Variants in TOM1L2 observed in about 807,000 individuals in gnomAD.
The protein encoded by TOM1L2 is TOM1-like protein 2.
A neutral mutation model predicts 67.9 loss-of-function variants in TOM1L2; 31 were observed. The ratio of observed to expected loss-of-function variants is 0.46; its 90% CI spans 0.34 to 0.62. The LOEUF is 0.62. Among genes scored for constraint, TOM1L2 ranks in the 20% least tolerant of loss-of-function variants. TOM1L2 has a pLI of 0.01. For synonymous variants in TOM1L2, 256 were observed against 254.0 expected (o/e 1.01, Z -0.07); for missense variants, 606 against 663.5 (o/e 0.91, Z 0.95).
At chr17:17,866,598 G>A (rs956422349) in intron 9 of TOM1L2, among the ~76,000 whole-genome samples, 179 bp from the exon 10 acceptor site, 9 of 152,182 alleles carry the variant, frequency 5.9e-5, no homozygotes, top group Non-Finnish European at 1.2e-4. Flanking sequence ...GGATGTCAGT[G>A]AGCCCTGCTC....
At chr17:17,924,640 T>G (rs554570794) in intron 1 of TOM1L2, among the ~76,000 whole-genome samples, 2 of 152,104 alleles carry the variant, frequency 1.3e-5, no homozygotes, top group Non-Finnish European at 2.9e-5. Context: ...GGTACATGCC[T>G]GTAGTCCCCA....
chr17:17,911,513 G>A (rs35985348), intron 1 of TOM1L2, among the ~76,000 whole-genome samples: 4,782 of 152,206 alleles, frequency 0.031, 127 homozygotes, highest in Non-Finnish European at 0.05. Flanking sequence ...GACGATTTAG[G>A]TGACAAAATA....
chr17:17,941,855 T>C (rs2040747830), intron 1 of TOM1L2, among the ~76,000 whole-genome samples: 1 of 152,180 alleles, frequency 6.6e-6, no homozygotes, highest in Non-Finnish European at 1.5e-5. Context: ...CCAGGCGCAG[T>C]GGCATGCACC....
At chr17:17,861,451 C>G in intron 12 of TOM1L2, 25 bp downstream of exon 12, 1 of 1,609,618 alleles carries the variant, frequency 6.2e-7, no homozygotes, top group Non-Finnish European at 8.5e-7. Flanking sequence ...AGACTCCAGG[C>G]AGAAAAACAG....
At chr17:17,862,534 T>TG (rs1393063759) in intron 11 of TOM1L2, 197 bp downstream of exon 11, 16 of 569,696 alleles carry the variant, frequency 2.8e-5, no homozygotes, top group Middle Eastern at 4.8e-4. Flanking sequence ...TGTGTGTGTT[T>TG]GGGGGGGTGG....
At chr17:17,925,262 T>G (rs911104222) in intron 1 of TOM1L2, among the ~76,000 whole-genome samples, 3 of 152,044 alleles carry the variant, frequency 2.0e-5, no homozygotes, top group African/African-American at 7.3e-5. Flanking sequence ...AAGTAATAAT[T>G]CTTAAAACCA....
intron 12 of TOM1L2, among the ~76,000 whole-genome samples, chr17:17,853,120 G>T (rs2036079140): frequency 6.6e-6 from 1 of 152,188 alleles, no homozygotes; most frequent in South Asian, 2.1e-4. Context: ...CCTGGAACAG[G>T]ACACACCAGT....
chr17:17,847,502 G>A lies in TOM1L2; in HGVS notation c.*133C>T. On this transcript the variant is annotated 3_prime_UTR_variant, in exon 15 of 15. Coordinates refer to ENST00000379504, the MANE Select transcript of TOM1L2 (RefSeq NM_001082968.2). ...CTGACTAGTGGGAGGCCTGGGAGCA[G>A]ACACGGTGGCATTTCCATGGAAACA... The A allele has an allele frequency of 5.6e-6, 7 of 1,239,096 alleles. No individual in the cohort carries two copies. Among genetic ancestry groups the A allele is most frequent in the Non-Finnish European group, 7.7e-6 (7 of 909,486 alleles). 76.8% of individuals were successfully genotyped at this position (1,239,096 alleles called of 1,614,324 possible). A position where few individuals can be genotyped will look rare whatever the true frequency, so the allele number is the denominator to read the frequency against.
intron 1 of TOM1L2, among the ~76,000 whole-genome samples, chr17:17,958,835 C>G (rs567246658): frequency 6.6e-6 from 1 of 152,160 alleles, no homozygotes; most frequent in Non-Finnish European, 1.5e-5. Flanking sequence ...AACTTTTAGC[C>G]GTACCCTCAT....
intron 11 of TOM1L2, 42 bp from the exon 12 acceptor site, chr17:17,861,593 C>T (rs1477115258): frequency 1.3e-6 from 2 of 1,586,630 alleles, no homozygotes; most frequent in South Asian, 1.1e-5. Context: ...CATTTTCCTC[C>T]AGTGGTCATG....
intron 10 of TOM1L2, among the ~76,000 whole-genome samples, chr17:17,865,742 CTTT>C (rs35408977): frequency 2.9e-5 from 3 of 103,526 alleles, no homozygotes; most frequent in Non-Finnish European, 4.1e-5. Flanking sequence ...GGTGACCTTT[CTTT>C]TTTTTTTTTT....
At position 17,845,678 on chromosome 17, in the gene TOM1L2, TG is replaced by T. The variant is rs2035608274; in HGVS notation, c.*1956del. The T allele has an allele frequency of 6.6e-6, 1 of 152,240 alleles. No homozygotes were observed. The highest frequency in any genetic ancestry group is 6.5e-5 in the Admixed American group (1 of 15,286). The allele number at this position is 152,240 out of a possible 1,614,324, so 9.4% of individuals were successfully genotyped here. ...CACAACCCAAAGGCAGCCAAAGGGC[TG>T]GGGCCTCTGGGTGCACCTGGGCCAT... On this transcript the variant is annotated 3_prime_UTR_variant, in exon 15 of 15. Coordinates refer to ENST00000379504, the MANE Select transcript of TOM1L2 (RefSeq NM_001082968.2).
At chr17:17,945,298 T>A (rs545756416) in intron 1 of TOM1L2, among the ~76,000 whole-genome samples, 11 of 151,960 alleles carry the variant, frequency 7.2e-5, no homozygotes, top group African/African-American at 2.7e-4. Flanking sequence ...ACACTCTCTC[T>A]CTCTCTCTCT....
intron 1 of TOM1L2, among the ~76,000 whole-genome samples, chr17:17,918,904 A>T (rs2039740274): frequency 6.6e-6 from 1 of 152,208 alleles, no homozygotes; most frequent in Non-Finnish European, 1.5e-5. Context: ...CTTTATGCTG[A>T]TGAGGGCCCT....
intron 2 of TOM1L2, among the ~76,000 whole-genome samples, chr17:17,900,594 A>G (rs2038807584): frequency 6.6e-6 from 1 of 152,158 alleles, no homozygotes; most frequent in African/African-American, 2.4e-5. Context: ...GAAAATTTTA[A>G]AACACCCTGA....
chr17:17,850,719 A>C (rs1364164683), intron 13 of TOM1L2, among the ~76,000 whole-genome samples, 174 bp downstream of exon 13: 2 of 152,106 alleles, frequency 1.3e-5, no homozygotes, highest in Non-Finnish European at 2.9e-5. Flanking sequence ...TGCAGCACCC[A>C]CAGCTATGGG....
At position 17,847,666 on chromosome 17, in the gene TOM1L2, T is replaced by C. The variant is rs1022295863; in HGVS notation, c.1493A>G (p.Glu498Gly). The change falls in exon 15 of 15, where the codon GAG (glutamate) becomes GGG (glycine). Residue 498 changes from glutamate (E) to glycine (G), a missense_variant. Around this residue, in one of 2 missense-constraint regions of TOM1L2, gnomAD observed 543 missense variants for 554.0 expected, o/e 0.98. Coordinates refer to ENST00000379504, the MANE Select transcript of TOM1L2 (RefSeq NM_001082968.2). ...GGCGAAGAGGGCATCCTCTGACCGC[T>C]CTGGCTTCTTCCGGCCAGAAGGGTT... Reference protein sequence around the residue: ...ASNPSGRKKPERSEDALFAL With the variant: ...ASNPSGRKKPGRSEDALFAL 2.5e-6 allele frequency: 4 copies of C among 1,613,786 alleles called. No individual in the cohort carries two copies. Among genetic ancestry groups the C allele is most frequent in the Non-Finnish European group, 3.4e-6 (4 of 1,179,860 alleles).
At chr17:17,939,386 A>C (rs2040638335) in intron 1 of TOM1L2, among the ~76,000 whole-genome samples, 1 of 152,250 alleles carries the variant, frequency 6.6e-6, no homozygotes, top group African/African-American at 2.4e-5. Context: ...TAAAAAATAT[A>C]TGACATTATG....
chr17:17,947,451 A>C (rs2040999323), intron 1 of TOM1L2, among the ~76,000 whole-genome samples: 1 of 152,224 alleles, frequency 6.6e-6, no homozygotes, highest in Non-Finnish European at 1.5e-5. Flanking sequence ...TCTTTAAAGA[A>C]GTGATTAAGT....
Sources: allele counts gnomAD v4.1 joint callset (sites outside exome capture counted in the v4.1 genomes callset), GRCh38; gene constraint gnomAD v4.1.1; regional missense constraint gnomAD v4.1.1; transcripts MANE v1.5; gene names NCBI Gene and HGNC (gene_info 2026-07-23, HGNC 2026-07-21).